Variants in PLCB1 observed in about 807,000 individuals in gnomAD.
PLCB1 encodes the protein 1-phosphatidylinositol 4,5-bisphosphate phosphodiesterase beta-1.
In PLCB1, 46 loss-of-function variants were observed where a neutral mutation model predicts 161.8. The ratio of observed to expected loss-of-function variants is 0.28; its 90% confidence interval spans 0.22 to 0.36. The LOEUF is 0.36. Ranked by LOEUF, PLCB1 falls within the 10% of genes least tolerant of loss-of-function variation. The pLI is 1.00. For missense variants in PLCB1, 1,016 were observed against 1,472.5 expected, an observed-to-expected ratio of 0.69 and a Z score of 5.07; for synonymous variants, 517 against 503.7, an observed-to-expected ratio of 1.03 and a Z score of -0.35.
At chr20:8,588,703 C>T (rs553748369) in intron 3 of PLCB1, among the ~76,000 whole-genome samples, 117 of 152,238 alleles carry the variant, frequency 7.7e-4, no homozygotes, top group African/African-American at 2.8e-3. Flanking sequence ...CCAAACCTGT[C>T]CACACCTTGA....
rs539517004 is a variant in PLCB1 at position 8,406,782 on chromosome 20, A to G, written c.246+35332A>G. Among the ~76,000 whole-genome samples the G allele has an allele frequency of 2.4e-4, 37 of 152,302 alleles. 2 individuals carry two copies. The South Asian group carries it at 6.6e-3, about 27-fold the overall frequency. On this transcript the variant is annotated intron_variant, in intron 3 of 31. Transcript: ENST00000338037. ...CAGTAAATTCCCAGAAAAAACAAGA[A>G]TTATAGTGATTTTATGTGAGGGATC...
intron 10 of PLCB1, among the ~76,000 whole-genome samples, chr20:8,689,408 C>T (rs1312489598): frequency 6.6e-6 from 1 of 152,038 alleles, no homozygotes; most frequent in Non-Finnish European, 1.5e-5. Context: ...GAGTGGGCAT[C>T]CTTGTTTTGT....
intron 31 of PLCB1, among the ~76,000 whole-genome samples, chr20:8,836,864 C>T (rs1479831053): frequency 6.6e-6 from 1 of 152,110 alleles, no homozygotes; most frequent in Non-Finnish European, 1.5e-5. Flanking sequence ...TGTCTGCCCT[C>T]GAGGAGACCT....
intron 25 of PLCB1, among the ~76,000 whole-genome samples, chr20:8,761,640 T>C (rs757509082): frequency 6.6e-6 from 1 of 152,090 alleles, no homozygotes; most frequent in Non-Finnish European, 1.5e-5. Context: ...TGCCTCAGCC[T>C]CCCAAATAGC....
chr20:8,708,995 T>C (rs981201214), intron 12 of PLCB1, among the ~76,000 whole-genome samples: 4 of 152,228 alleles, frequency 2.6e-5, no homozygotes, highest in Non-Finnish European at 5.9e-5. Context: ...TAAAAACTCT[T>C]CTTTTTGCAA....
chr20:8,504,756 A>G (rs1227675813), intron 3 of PLCB1, among the ~76,000 whole-genome samples: 1 of 152,200 alleles, frequency 6.6e-6, no homozygotes, highest in Non-Finnish European at 1.5e-5. Context: ...TTGGCTCCAA[A>G]AAAAATATTG....
rs1399876505 is a variant in PLCB1 at position 8,499,230 on chromosome 20, G to C, written c.246+127780G>C. Reference sequence around the variant, plus strand: ...GCTTATGTGCTTTTGGGATATTTTAGGTAAGGGTGAAAATAATAATTCTGA... The same window carrying C: ...GCTTATGTGCTTTTGGGATATTTTACGTAAGGGTGAAAATAATAATTCTGA... On this transcript the variant is annotated intron_variant, in intron 3 of 31. Transcript: ENST00000338037. Among the ~76,000 whole-genome samples the C allele has an allele frequency of 2.0e-5, 3 of 152,142 alleles. No homozygotes were observed. The South Asian group carries it at 6.2e-4, about 31-fold the overall frequency.
At chr20:8,379,114 C>G (rs922562752) in intron 3 of PLCB1, among the ~76,000 whole-genome samples, 1 of 152,062 alleles carries the variant, frequency 6.6e-6, no homozygotes, top group Non-Finnish European at 1.5e-5. Flanking sequence ...CCCCCACCCC[C>G]CAACAGGCCC....
At chr20:8,426,420 C>T (rs762378014) in intron 3 of PLCB1, among the ~76,000 whole-genome samples, 14 of 152,186 alleles carry the variant, frequency 9.2e-5, no homozygotes, top group Non-Finnish European at 1.8e-4. Flanking sequence ...TACACACGTG[C>T]GTGCACCTGC....
intron 31 of PLCB1, among the ~76,000 whole-genome samples, chr20:8,818,044 TAG>T (rs1387538219): frequency 6.6e-6 from 1 of 152,088 alleles, no homozygotes; most frequent in Non-Finnish European, 1.5e-5. Flanking sequence ...GAAAATATGG[TAG>T]AGAGATCAAG....
intron 1 of PLCB1, among the ~76,000 whole-genome samples, chr20:8,140,855 A>G (rs2051395513): frequency 6.6e-6 from 1 of 151,614 alleles, no homozygotes; most frequent in East Asian, 1.9e-4. Flanking sequence ...CTGGAGTGCA[A>G]TGGCGCAATC....
intron 2 of PLCB1, among the ~76,000 whole-genome samples, chr20:8,317,033 A>G (rs1410671394): frequency 6.6e-6 from 1 of 151,140 alleles, no homozygotes; most frequent in Non-Finnish European, 1.5e-5. Flanking sequence ...TGGATTTCAA[A>G]CACATAATAG....
intron 2 of PLCB1, among the ~76,000 whole-genome samples, chr20:8,277,790 A>T (rs1221756732): frequency 6.6e-6 from 1 of 152,168 alleles, no homozygotes; most frequent in Non-Finnish European, 1.5e-5. Flanking sequence ...TAAAAATCAC[A>T]ATCTAAAACT....
intron 2 of PLCB1, among the ~76,000 whole-genome samples, chr20:8,288,134 T>C (rs1983211151): frequency 6.6e-6 from 1 of 152,190 alleles, no homozygotes; most frequent in African/African-American, 2.4e-5. Context: ...TTGGCTGAAC[T>C]TGAAGGCTGT....
chr20:8,136,183 C>T (rs1193661059), intron 1 of PLCB1, among the ~76,000 whole-genome samples: 5 of 152,166 alleles, frequency 3.3e-5, no homozygotes, highest in African/African-American at 7.2e-5. Context: ...GGTTGCTTAA[C>T]GCATCCCAAC....
rs185293995 is a variant in PLCB1 at position 8,778,251 on chromosome 20, A to C, written c.3111+3532A>C. ...AATTCAGAGTACAGATGAAAACAGA[A>C]GCCAAAACATCCCAAGAAGACCTCT... On this transcript the variant is annotated intron_variant, in intron 27 of 31. Coordinates refer to ENST00000338037, the MANE Select transcript of PLCB1 (RefSeq NM_015192.4). Among the ~76,000 whole-genome samples, 11 of 152,250 alleles carry C rather than the reference A, an allele frequency of 7.2e-5. No individual in the cohort carries two copies. In the East Asian group the frequency reaches 2.1e-3, roughly 29 times the overall value.
At chr20:8,719,276 C>T (rs1979497676) in intron 14 of PLCB1, among the ~76,000 whole-genome samples, 1 of 152,160 alleles carries the variant, frequency 6.6e-6, no homozygotes, top group African/African-American at 2.4e-5. Flanking sequence ...TGAATATATG[C>T]ACTCCCTGTA....
chr20:8,586,226 A>G (rs776521562), intron 3 of PLCB1, among the ~76,000 whole-genome samples: 6 of 152,180 alleles, frequency 3.9e-5, no homozygotes, highest in Non-Finnish European at 8.8e-5. Context: ...TCCCATTAGC[A>G]TTTTATTTTC....
intron 3 of PLCB1, chr20:8,371,777 G>A (rs556948096): frequency 6.3e-5 from 14 of 222,296 alleles, no homozygotes; most frequent in East Asian, 1.0e-4. Flanking sequence ...TTTGAACCTC[G>A]TAAACATATG....
Sources: gnomAD v4.1 joint callset for allele counts (sites outside exome capture counted in the v4.1 genomes callset) on GRCh38, gnomAD v4.1.1 for gene constraint, MANE v1.5 for transcripts, NCBI Gene and HGNC (gene_info 2026-07-23, HGNC 2026-07-21) for gene names.